Variants in UGT1A7 observed in about 807,000 individuals in gnomAD.
The protein encoded by UGT1A7 is UDP glucuronosyltransferase family 1 member A7.
Under a neutral mutation model 45.6 loss-of-function variants are expected in UGT1A7, and 33 were observed. That is an observed-to-expected ratio of 0.72 (90% CI 0.55 to 0.97). The LOEUF (loss-of-function observed/expected upper bound fraction) is 0.97, where lower values mean the gene tolerates loss of function less well. Among genes scored for constraint, UGT1A7 ranks in the 50% least tolerant of loss-of-function variants. The pLI is 0.00. For missense variants in UGT1A7, 684 were observed against 666.2 expected (o/e 1.03, Z -0.29); for synonymous variants, 274 against 250.6 (o/e 1.09, Z -0.88).
chr2:233,725,061 C>T (rs1212157566), intron 1 of UGT1A7, among the ~76,000 whole-genome samples: 1 of 147,216 alleles, frequency 6.8e-6, no homozygotes, highest in Admixed American at 6.8e-5. Flanking sequence ...GCGGCGCGCG[C>T]CTGCAATCGC....
chr2:233,723,259 G>T (rs1486772890), intron 1 of UGT1A7, among the ~76,000 whole-genome samples: 1 of 114,276 alleles, frequency 8.8e-6, no homozygotes, highest in African/African-American at 4.3e-5. Flanking sequence ...ACCCAGGCTG[G>T]AGTGCAATGG....
At chr2:233,715,263 C>T (rs1313325052) in intron 1 of UGT1A7, among the ~76,000 whole-genome samples, 2 of 152,196 alleles carry the variant, frequency 1.3e-5, no homozygotes, top group Non-Finnish European at 2.9e-5. Context: ...AATCCCCTTA[C>T]ATAACAAATT....
chr2:233,686,424 C>T (rs140951081), intron 1 of UGT1A7, among the ~76,000 whole-genome samples: 8 of 152,224 alleles, frequency 5.3e-5, no homozygotes, highest in African/African-American at 1.4e-4. Flanking sequence ...GATAAACACA[C>T]GCATGCTTGA....
chr2:233,756,378 T>C (rs367582243), intron 1 of UGT1A7: 2 of 152,250 alleles, frequency 1.3e-5, no homozygotes, highest in South Asian at 2.1e-4. Flanking sequence ...GCTATGTAAA[T>C]AGTTGTTTTA....
At chr2:233,726,933 A>AT (rs1312634062) in intron 1 of UGT1A7, among the ~76,000 whole-genome samples, 1 of 151,726 alleles carries the variant, frequency 6.6e-6, no homozygotes, top group Non-Finnish European at 1.5e-5. Flanking sequence ...TCCTTTTTTC[A>AT]TTTTTAAAAA....
intron 1 of UGT1A7, among the ~76,000 whole-genome samples, chr2:233,720,871 ATTTTTT>A (rs60621337): frequency 7.5e-6 from 1 of 132,772 alleles, no homozygotes; most frequent in African/African-American, 2.9e-5. Flanking sequence ...GCTCCTGGCA[ATTTTTT>A]TTTTTTTTTT....
intron 1 of UGT1A7, chr2:233,740,822 C>A (rs1691482429): frequency 1.3e-5 from 2 of 151,840 alleles, no homozygotes; most frequent in Non-Finnish European, 2.9e-5. Flanking sequence ...TGTTTTTGAG[C>A]TGAGACATTT....
At chr2:233,744,074 G>C in intron 1 of UGT1A7, 1 of 470,704 alleles carries the variant, frequency 2.1e-6, no homozygotes, top group Non-Finnish European at 3.5e-6. Context: ...TGAGCGCCTC[G>C]CATCCCAAGA....
At chr2:233,693,908 G>T in intron 1 of UGT1A7, 1 of 1,612,956 alleles carries the variant, frequency 6.2e-7, no homozygotes, top group South Asian at 1.1e-5. Context: ...TTTCTTCCAG[G>T]CTCTGTCCTC....
Position 233,730,113 on chromosome 2 carries a change from C to G in UGT1A7, c.856-36921C>G. 5 of 1,563,498 alleles carry G rather than the reference C, an allele frequency of 3.2e-6. No individual in the cohort carries two copies. The South Asian group carries it at 5.9e-5, about 18-fold the overall frequency. ...TTCCAAATATTTCATTTCTGCTTCT[C>G]CTTGTCATAATAGCCTTCAGTGAGA... is the stretch of plus-strand genomic sequence containing the variant. On this transcript the variant is annotated intron_variant, in intron 1 of 4. Coordinates refer to ENST00000373426, the MANE Select transcript of UGT1A7 (RefSeq NM_019077.3).
At chr2:233,741,367 C>T (rs1691641318) in intron 1 of UGT1A7, among the ~76,000 whole-genome samples, 1 of 151,832 alleles carries the variant, frequency 6.6e-6, no homozygotes, top group Non-Finnish European at 1.5e-5. Context: ...CACAATGAAA[C>T]TGCCCATGCC....
chr2:233,743,833 G>A (rs2125856525), intron 1 of UGT1A7: 1 of 1,367,262 alleles, frequency 7.3e-7, no homozygotes, highest in African/African-American at 1.5e-5. Context: ...GGTGCCACTT[G>A]AGCGCCAGCT....
At chr2:233,729,370 A>G (rs1463056784) in intron 1 of UGT1A7, 15 of 1,613,960 alleles carry the variant, frequency 9.3e-6, no homozygotes, top group Non-Finnish European at 1.2e-5. Flanking sequence ...AACCTATGCC[A>G]TTTCGTGGAC....
chr2:233,743,816 T>G (rs1350624065), intron 1 of UGT1A7: 1 of 1,367,308 alleles, frequency 7.3e-7, no homozygotes, highest in South Asian at 1.1e-5. Flanking sequence ...CTCAGGGTTT[T>G]TGTCGGGGTG....
At position 233,682,690 on chromosome 2, in the gene UGT1A7, G is replaced by T; in HGVS notation, c.753G>T (p.Trp251Cys). The T allele has an allele frequency of 3.1e-6, 5 of 1,613,814 alleles. No individual in the cohort carries two copies. Among genetic ancestry groups the T allele is most frequent in the Non-Finnish European group, 4.2e-6 (5 of 1,179,794 alleles). Reference protein sequence around the residue: ...AYDLYSHTSIWLLRTDFVLEY... With the variant: ...AYDLYSHTSICLLRTDFVLEY... ...ATCTCTACAGCCACACATCAATTTGGTTGTTGCGAACTGACTTTGTTTTGG... is the reference window on the plus strand; with the variant it reads ...ATCTCTACAGCCACACATCAATTTGTTTGTTGCGAACTGACTTTGTTTTGG... Residue 251 changes from tryptophan (W) to cysteine (C), a missense_variant, in exon 1 of 5, where the codon TGG becomes TGT. Physicochemically the swap from Trp to Cys is radical, Grantham distance 215. Coordinates refer to ENST00000373426, the MANE Select transcript of UGT1A7 (RefSeq NM_019077.3).
At chr2:233,695,130 C>CTTTCTTTCT (rs1364557158) in intron 1 of UGT1A7, among the ~76,000 whole-genome samples, 43 of 138,840 alleles carry the variant, frequency 3.1e-4, no homozygotes, top group South Asian at 9.1e-4. Flanking sequence ...CTTTTCTTTT[C>CTTTCTTTCT]TTTTTTTTTT....
At chr2:233,766,610 TC>T (rs1292898350) in intron 1 of UGT1A7, among the ~76,000 whole-genome samples, 1 of 152,172 alleles carries the variant, frequency 6.6e-6, no homozygotes, top group Non-Finnish European at 1.5e-5. Context: ...CACACCCTCT[TC>T]TACCCAGCAC....
intron 1 of UGT1A7, chr2:233,755,175 G>T: frequency 8.0e-7 from 1 of 1,245,528 alleles, no homozygotes; most frequent in Non-Finnish European, 1.1e-6. Context: ...GTTTTTGTCG[G>T]GGTGCCACTT....
chr2:233,689,959 C>A (rs2074968106), intron 1 of UGT1A7: 1 of 456,312 alleles, frequency 2.2e-6, no homozygotes, highest in Non-Finnish European at 4.4e-6. Context: ...TATTTCCATG[C>A]TTGGAGGAAC....
Sources: allele counts gnomAD v4.1 joint callset (sites outside exome capture counted in the v4.1 genomes callset), GRCh38; gene constraint gnomAD v4.1.1; transcripts MANE v1.5; gene names NCBI Gene and HGNC (gene_info 2026-07-23, HGNC 2026-07-21).